ERCC5: variants seen among roughly 807,000 people sequenced by gnomAD.
ERCC5 encodes the protein DNA excision repair protein ERCC-5.
ERCC5 carries 68 observed loss-of-function variants against 105.6 expected under a neutral mutation model. The ratio of observed to expected loss-of-function variants is 0.64; its 90% CI spans 0.53 to 0.79. ERCC5 has a LOEUF of 0.79. ERCC5 is among the 30% of genes least tolerant of loss of function. ERCC5 has a pLI of 0.00. For missense variants in ERCC5, 1,373 were observed against 1,426.7 expected (o/e 0.96, Z 0.61); for synonymous variants, 546 against 526.2 (o/e 1.04, Z -0.51).
At chr13:102,864,855 C>T (rs1051416150) in intron 8 of ERCC5, 2 of 152,370 alleles carry the variant, frequency 1.3e-5, no homozygotes, top group Non-Finnish European at 2.9e-5. Context: ...CTATGTCTAT[C>T]TGTACTAAAA....
chr13:102,863,548 A>G (rs565628862), intron 8 of ERCC5, among the ~76,000 whole-genome samples: 1 of 152,282 alleles, frequency 6.6e-6, no homozygotes, highest in Non-Finnish European at 1.5e-5. Flanking sequence ...CTGTATACAT[A>G]TGTATACCAT....
Position 102,872,301 on chromosome 13 carries a change from C to T in ERCC5, c.2782C>T (p.Pro928Ser). 1 of 1,614,198 alleles carries T rather than the reference C, an allele frequency of 6.2e-7. No individual in the cohort carries two copies. Among genetic ancestry groups the T allele is most frequent in the African/African-American group, 1.3e-5 (1 of 75,042 alleles). The change falls in exon 13 of 15, where the codon CCT (proline) becomes TCT (serine). Residue 928 changes from proline (P) to serine (S), a missense_variant. Pro to Ser is a moderately conservative substitution (Grantham distance 74). Transcript: ENST00000652225. ...GACATTGCAACTCACCCCTGGCTTT[C>T]CTAACCCAGCTGTTGCCGAGGCCTA... is the stretch of plus-strand genomic sequence containing the variant. ...LRTLQLTPGF[P>S]NPAVAEAYLK... is the part of the protein sequence containing the mutation.
At chr13:102,861,382 T>G in intron 6 of ERCC5, 125 bp from the exon 7 acceptor site, 1 of 980,690 alleles carries the variant, frequency 1.0e-6, no homozygotes. Flanking sequence ...TTTTATAATA[T>G]GAAACTACCA....
intron 5 of ERCC5, 80 bp downstream of exon 5, chr13:102,856,192 A>G: frequency 6.9e-7 from 1 of 1,445,936 alleles, no homozygotes; most frequent in South Asian, 1.2e-5. Flanking sequence ...AATGAGGTAT[A>G]TCAAACTGTG....
At chr13:102,869,161 C>T (rs1400073482) in intron 12 of ERCC5, among the ~76,000 whole-genome samples, 1 of 152,166 alleles carries the variant, frequency 6.6e-6, no homozygotes, top group Non-Finnish European at 1.5e-5. Flanking sequence ...ACTGGAATCA[C>T]TGAAATGAAC....
chr13:102,849,454 A>C (rs1270489570), intron 1 of ERCC5: 5 of 518,782 alleles, frequency 9.6e-6, no homozygotes, highest in African/African-American at 3.8e-5. Context: ...GTATATCCCT[A>C]GGGTCTTGGA....
At chr13:102,872,150 C>T in intron 12 of ERCC5, 48 bp from the exon 13 acceptor site, 3 of 1,593,708 alleles carry the variant, frequency 1.9e-6, no homozygotes, top group Non-Finnish European at 2.6e-6. Flanking sequence ...AGTGTATGAA[C>T]TATAATGTCT....
At chr13:102,867,259 T>C (rs1882873498) in intron 11 of ERCC5, among the ~76,000 whole-genome samples, 1 of 152,142 alleles carries the variant, frequency 6.6e-6, no homozygotes, top group Non-Finnish European at 1.5e-5. Context: ...GAGAGTAAAA[T>C]AGTAGGAGAA....
chr13:102,852,101 A>G lies in ERCC5; in HGVS notation c.89-17A>G, dbSNP rs754965071. 3.1e-6 allele frequency: 5 copies of G among 1,613,832 alleles called. No homozygotes were observed. Among genetic ancestry groups the G allele is most frequent in the East Asian group, 2.2e-5 (1 of 44,856 alleles). On this transcript the variant is annotated splice_polypyrimidine_tract_variant and intron_variant, in intron 1 of 14. Coordinates refer to ENST00000652225, the MANE Select transcript of ERCC5 (RefSeq NM_000123.4). The stretch of plus-strand genomic sequence containing the variant: ...AGAGAAAAATCCCGGAGTTTTTTCC[A>G]TTAACAATTCTCCCAGATATTAGCA...
At chr13:102,855,496 C>G (rs913912391) in intron 4 of ERCC5, among the ~76,000 whole-genome samples, 1 of 152,234 alleles carries the variant, frequency 6.6e-6, no homozygotes, top group African/African-American at 2.4e-5. Flanking sequence ...AGTGATCCAC[C>G]TGCCTCGGCC....
chr13:102,850,203 A>T (rs2104301), intron 1 of ERCC5, among the ~76,000 whole-genome samples: 13,006 of 152,114 alleles, frequency 0.086, 1,838 homozygotes, highest in African/African-American at 0.29. Context: ...TGGGATTACA[A>T]GTGTGAGCTA....
chr13:102,869,503 T>C (rs1036041859), intron 12 of ERCC5, among the ~76,000 whole-genome samples: 8 of 152,028 alleles, frequency 5.3e-5, no homozygotes, highest in Non-Finnish European at 5.9e-5. Context: ...CTCATTTGAG[T>C]GTGTGTATGA....
intron 14 of ERCC5, among the ~76,000 whole-genome samples, chr13:102,874,529 AT>A (rs962526121): frequency 3.3e-5 from 5 of 150,406 alleles, no homozygotes; most frequent in Admixed American, 6.6e-5. Context: ...TTACCCATAT[AT>A]TTTTTTTTTG....
At chr13:102,848,494 T>C (rs1397855098) in intron 1 of ERCC5, among the ~76,000 whole-genome samples, 1 of 152,242 alleles carries the variant, frequency 6.6e-6, no homozygotes, top group Admixed American at 6.5e-5. Flanking sequence ...GTTTGTAATA[T>C]GCGTTTAAGT....
chr13:102,853,534 A>C (rs752603933), intron 2 of ERCC5, among the ~76,000 whole-genome samples: 1 of 152,232 alleles, frequency 6.6e-6, no homozygotes, highest in South Asian at 2.1e-4. Flanking sequence ...AAGTTTCCCA[A>C]ATATATTGTG....
intron 12 of ERCC5, among the ~76,000 whole-genome samples, chr13:102,869,932 A>G (rs544476026): frequency 4.1e-4 from 62 of 152,300 alleles, no homozygotes; most frequent in Admixed American, 2.8e-3. Context: ...TGCCTGCTGA[A>G]TCATTTTCAT....
Position 102,853,982 on chromosome 13 carries a change from TAG to T in ERCC5, c.380+115_380+116del, listed in dbSNP as rs4150268. ...TCTAATTTTGACTCTCAACAGAAAA[TAG>T]AGAGTGAAATGAGACAAGTAGGCTG... On this transcript the variant is annotated intron_variant, in intron 3 of 14. Coordinates refer to ENST00000652225, the MANE Select transcript of ERCC5 (RefSeq NM_000123.4). 172 of 1,098,690 alleles carry T rather than the reference TAG, an allele frequency of 1.6e-4. No individual in the cohort carries two copies. The African/African-American group carries it at 2.6e-3, about 16-fold the overall frequency. The allele number at this position is 1,098,690 out of a possible 1,614,324, so 68.1% of individuals were successfully genotyped here. A position where few individuals can be genotyped will look rare whatever the true frequency, so the allele number is the denominator to read the frequency against.
At chr13:102,852,376 TTTCTC>T (rs1288863355) in intron 2 of ERCC5, 83 bp downstream of exon 2, 2 of 1,533,538 alleles carry the variant, frequency 1.3e-6, no homozygotes, top group African/African-American at 1.4e-5. Flanking sequence ...AAATTTTTGT[TTTCTC>T]TTTAGAATTT....
rs773944445 is a variant in ERCC5 at position 102,862,022 on chromosome 13, T to C, written c.881-8T>C. On this transcript the variant is annotated splice_polypyrimidine_tract_variant and splice_region_variant and intron_variant, in intron 7 of 14. Coordinates refer to ENST00000652225, the MANE Select transcript of ERCC5 (RefSeq NM_000123.4). Reference sequence around the variant, plus strand: ...TGAATGGTGAGAAGTGTTTTAATTCTTCTTAAGGTATTCAAGCTAAGACAG... The same window carrying C: ...TGAATGGTGAGAAGTGTTTTAATTCCTCTTAAGGTATTCAAGCTAAGACAG... 3.1e-6 allele frequency: 5 copies of C among 1,614,164 alleles called. No individual in the cohort carries two copies. The highest frequency in any genetic ancestry group is 3.4e-6 in the Non-Finnish European group (4 of 1,180,010).
Sources: allele counts gnomAD v4.1 joint callset (sites outside exome capture counted in the v4.1 genomes callset), GRCh38; gene constraint gnomAD v4.1.1; transcripts MANE v1.5; gene names NCBI Gene and HGNC (gene_info 2026-07-23, HGNC 2026-07-21).